Variants in CDH18 observed in about 807,000 individuals in gnomAD.
The protein encoded by CDH18 is cadherin-18.
CDH18 carries 31 observed loss-of-function variants against 67.9 expected under a neutral mutation model. The observed-to-expected ratio is 0.46, with a 90% CI of 0.34 to 0.62. The LOEUF (loss-of-function observed/expected upper bound fraction) is 0.62. Among genes scored for constraint, CDH18 ranks in the 20% least tolerant of loss-of-function variants. CDH18 has a pLI of 0.01. For missense variants in CDH18, 890 were observed against 975.5 expected, an observed-to-expected ratio of 0.91 and a Z score of 1.17; for synonymous variants, 362 against 347.2, an observed-to-expected ratio of 1.04 and a Z score of -0.48.
At chr5:19,768,571 C>T (rs1217248439) in intron 3 of CDH18, among the ~76,000 whole-genome samples, 5 of 152,050 alleles carry the variant, frequency 3.3e-5, no homozygotes, top group Non-Finnish European at 7.4e-5. Context: ...TACAACGCTG[C>T]CCCATAGTAA....
At chr5:20,117,769 C>T (rs937788089) in intron 2 of CDH18, among the ~76,000 whole-genome samples, 3 of 152,132 alleles carry the variant, frequency 2.0e-5, no homozygotes, top group Non-Finnish European at 4.4e-5. Flanking sequence ...GAACATGAAT[C>T]GAACAACCAT....
At chr5:19,542,345 C>A (rs1446165477) in intron 9 of CDH18, among the ~76,000 whole-genome samples, 2 of 152,120 alleles carry the variant, frequency 1.3e-5, no homozygotes, top group Non-Finnish European at 1.5e-5. Context: ...ACAGTGCATC[C>A]ACATTGGAAA....
intron 1 of CDH18, among the ~76,000 whole-genome samples, chr5:20,476,930 CA>C (rs1453421528): frequency 5.3e-5 from 8 of 152,066 alleles, no homozygotes; most frequent in Non-Finnish European, 7.4e-5. Flanking sequence ...AATGTTGTAA[CA>C]GAGATTTTTA....
intron 3 of CDH18, among the ~76,000 whole-genome samples, chr5:19,818,998 T>C (rs1779580006): frequency 6.6e-6 from 1 of 152,044 alleles, no homozygotes; most frequent in South Asian, 2.1e-4. Context: ...TGAACTCTAA[T>C]GGCAATTACA....
At chr5:20,095,230 C>T (rs535514803) in intron 2 of CDH18, among the ~76,000 whole-genome samples, 1 of 150,058 alleles carries the variant, frequency 6.7e-6, no homozygotes, top group Non-Finnish European at 1.5e-5. Flanking sequence ...GTGCAGCAAA[C>T]GACCATGACA....
chr5:19,690,746 G>C (rs1437741013), intron 5 of CDH18, among the ~76,000 whole-genome samples: 1 of 150,814 alleles, frequency 6.6e-6, no homozygotes, highest in Non-Finnish European at 1.5e-5. Context: ...TAGAAAACCA[G>C]AACAGGCCAA....
intron 4 of CDH18, among the ~76,000 whole-genome samples, chr5:19,728,959 T>C (rs1767229304): frequency 6.6e-6 from 1 of 152,194 alleles, no homozygotes; most frequent in African/African-American, 2.4e-5. Flanking sequence ...TTGTAGTCAT[T>C]GTGTAATTTA....
intron 2 of CDH18, among the ~76,000 whole-genome samples, chr5:19,926,738 C>A (rs547322419): frequency 1.2e-4 from 18 of 152,068 alleles, no homozygotes; most frequent in African/African-American, 3.6e-4. Flanking sequence ...TTCTGCTACC[C>A]AAATACAAAT....
chr5:19,518,146 T>G (rs947174119), intron 10 of CDH18, among the ~76,000 whole-genome samples: 2 of 152,038 alleles, frequency 1.3e-5, no homozygotes, highest in Non-Finnish European at 2.9e-5. Flanking sequence ...AATCAGTGCA[T>G]AGAAAAATAT....
At chr5:19,803,365 A>G (rs1220289557) in intron 3 of CDH18, among the ~76,000 whole-genome samples, 1 of 152,232 alleles carries the variant, frequency 6.6e-6, no homozygotes, top group Non-Finnish European at 1.5e-5. Flanking sequence ...TAGTCTAAAC[A>G]AGTACTGTCT....
At chr5:19,489,282 C>T (rs1402023438) in intron 11 of CDH18, among the ~76,000 whole-genome samples, 2 of 134,240 alleles carry the variant, frequency 1.5e-5, no homozygotes, top group Admixed American at 1.7e-4. Context: ...GAGTCTCTCT[C>T]TGTCGCCCAG....
At chr5:19,650,751 T>A (rs1280607811) in intron 5 of CDH18, among the ~76,000 whole-genome samples, 1 of 152,068 alleles carries the variant, frequency 6.6e-6, no homozygotes, top group Non-Finnish European at 1.5e-5. Context: ...TATTTCCACA[T>A]CTTTTCTAAG....
intron 3 of CDH18, among the ~76,000 whole-genome samples, chr5:19,819,348 C>T (rs1456712816): frequency 6.6e-6 from 1 of 152,182 alleles, no homozygotes; most frequent in African/African-American, 2.4e-5. Context: ...CAACTAGACA[C>T]AGCCAGGAGA....
chr5:19,704,753 C>T (rs186771726), intron 5 of CDH18, among the ~76,000 whole-genome samples: 1 of 152,244 alleles, frequency 6.6e-6, no homozygotes, highest in Non-Finnish European at 1.5e-5. Context: ...AAAAAGGTCA[C>T]ATAGCTCCAA....
At chr5:20,369,407 A>C (rs972699495) in intron 1 of CDH18, among the ~76,000 whole-genome samples, 6 of 152,218 alleles carry the variant, frequency 3.9e-5, no homozygotes, top group African/African-American at 1.4e-4. Flanking sequence ...AATTAAAAGG[A>C]AAAGGACAAT....
At chr5:19,884,415 G>A (rs1787975969) in intron 2 of CDH18, among the ~76,000 whole-genome samples, 1 of 151,972 alleles carries the variant, frequency 6.6e-6, no homozygotes, top group Non-Finnish European at 1.5e-5. Context: ...GCCTAACAGA[G>A]CATTATTTTA....
intron 2 of CDH18, among the ~76,000 whole-genome samples, chr5:19,951,659 T>C (rs1795804370): frequency 6.6e-6 from 1 of 152,132 alleles, no homozygotes. Flanking sequence ...TTTCTAGAAG[T>C]GTTAAAATGA....
chr5:20,253,173 G>A (rs1249661079), intron 2 of CDH18, among the ~76,000 whole-genome samples: 1 of 152,100 alleles, frequency 6.6e-6, no homozygotes, highest in Non-Finnish European at 1.5e-5. Context: ...ATGCACACCT[G>A]TGAAACTACG....
intron 2 of CDH18, among the ~76,000 whole-genome samples, chr5:20,104,815 C>T (rs1746786446): frequency 6.6e-6 from 1 of 152,006 alleles, no homozygotes; most frequent in Non-Finnish European, 1.5e-5. Context: ...ATTGAAGCCT[C>T]CACCTCTGAA....
Sources: gnomAD v4.1 joint callset for allele counts (sites outside exome capture counted in the v4.1 genomes callset) on GRCh38, gnomAD v4.1.1 for gene constraint, MANE v1.5 for transcripts, NCBI Gene and HGNC (gene_info 2026-07-23, HGNC 2026-07-21) for gene names.